ZNF649: variants seen among roughly 807,000 people sequenced by gnomAD.
ZNF649 encodes zinc finger protein 649.
A neutral mutation model predicts 14.1 loss-of-function variants in ZNF649; 7 were observed. That is an observed-to-expected ratio of 0.49 (90% CI 0.28 to 0.93). ZNF649 has a LOEUF of 0.93. Among genes scored for constraint, ZNF649 ranks in the 40% least tolerant of loss-of-function variants. The pLI, the probability that ZNF649 is intolerant of heterozygous loss-of-function variation, is 0.10. For missense variants in ZNF649, 544 were observed against 608.1 expected, an observed-to-expected ratio of 0.89 and a Z score of 1.11; for synonymous variants, 227 against 212.3, an observed-to-expected ratio of 1.07 and a Z score of -0.60.
At chr19:51,904,875 C>G (rs763154929) in intron 1 of ZNF649, 39 bp downstream of exon 1, 4 of 152,422 alleles carry the variant, frequency 2.6e-5, no homozygotes, top group South Asian at 4.1e-4. Flanking sequence ...AAGCTCCCTA[C>G]CCCTTTAACC....
Position 51,896,556 on chromosome 19 carries a change from C to G in ZNF649, c.154G>C (p.Gly52Arg). 1 of 1,614,106 alleles carries G rather than the reference C, an allele frequency of 6.2e-7. No homozygotes were observed. The highest frequency in any genetic ancestry group is 1.3e-5 in the African/African-American group (1 of 75,010). The change falls in exon 4 of 5, where the codon GGC becomes CGC. Residue 52 changes from glycine (G) to arginine (R), a missense_variant. Physicochemically the swap from Gly to Arg is moderately radical, Grantham distance 125. Transcript: ENST00000354957. ...AACTTGGTGAGGGCATCAGGTTTGC[C>G]GGCTTGATACCCTGTTTGTGGGAAA... ...SNLVSVGYQA[G>R]KPDALTKLEQ...
At chr19:51,904,851 C>T (rs2085114511) in intron 1 of ZNF649, 63 bp downstream of exon 1, 1 of 152,810 alleles carries the variant, frequency 6.5e-6, no homozygotes, top group Non-Finnish European at 1.5e-5. Context: ...CAGCTCTCCC[C>T]ACAGGCTCCT....
chr19:51,901,893 G>C (rs147361762), intron 1 of ZNF649, among the ~76,000 whole-genome samples: 473 of 146,438 alleles, frequency 3.2e-3, no homozygotes, highest in Non-Finnish European at 4.9e-3. Context: ...TGAGACTGCA[G>C]TGAGTTAGGA....
intron 1 of ZNF649, chr19:51,904,236 A>C (rs893636459): frequency 3.3e-5 from 5 of 152,190 alleles, no homozygotes; most frequent in African/African-American, 1.2e-4. Context: ...TTCATTGCTC[A>C]AGGAAACTCC....
intron 1 of ZNF649, among the ~76,000 whole-genome samples, chr19:51,903,376 T>TC (rs2085105534): frequency 6.6e-6 from 1 of 151,820 alleles, no homozygotes; most frequent in Non-Finnish European, 1.5e-5. Flanking sequence ...GCAACCAGCC[T>TC]CCCCCGTCCT....
At chr19:51,901,222 C>T (rs1292861651) in intron 1 of ZNF649, among the ~76,000 whole-genome samples, 2 of 152,048 alleles carry the variant, frequency 1.3e-5, no homozygotes, top group African/African-American at 4.8e-5. Context: ...ACTCCAGAAT[C>T]CTAGAGGAAA....
chr19:51,898,095 C>CAA (rs34792714), intron 2 of ZNF649, among the ~76,000 whole-genome samples: 3,740 of 84,282 alleles, frequency 0.044, 139 homozygotes, highest in African/African-American at 0.099. Context: ...AAGACTGTCT[C>CAA]AAAAAAAAAA....
chr19:51,895,657 C>G (rs951772210), intron 4 of ZNF649, among the ~76,000 whole-genome samples: 2 of 151,912 alleles, frequency 1.3e-5, no homozygotes, highest in African/African-American at 4.8e-5. Flanking sequence ...TGCCTCAGTT[C>G]TTATCTCACT....
chr19:51,902,210 A>G (rs1463781448), intron 1 of ZNF649, among the ~76,000 whole-genome samples: 1 of 152,214 alleles, frequency 6.6e-6, no homozygotes, highest in Non-Finnish European at 1.5e-5. Context: ...TGTTGTTTAT[A>G]AATTATCCAG....
chr19:51,900,794 G>A (rs1292338326), intron 1 of ZNF649, among the ~76,000 whole-genome samples: 1 of 152,104 alleles, frequency 6.6e-6, no homozygotes, highest in Non-Finnish European at 1.5e-5. Context: ...CTGGAGTGAT[G>A]CTGCCACAAG....
intron 2 of ZNF649, among the ~76,000 whole-genome samples, chr19:51,899,620 A>G (rs2085083904): frequency 6.6e-6 from 1 of 152,108 alleles, no homozygotes; most frequent in Non-Finnish European, 1.5e-5. Context: ...AAACAGTCAC[A>G]CAAAACTTGC....
Position 51,896,512 on chromosome 19 carries a change from T to C in ZNF649, c.198A>G (p.Leu66=), listed in dbSNP as rs1320412976. The C allele has an allele frequency of 3.7e-6, 6 of 1,614,118 alleles. No individual in the cohort carries two copies. The highest frequency in any genetic ancestry group is 2.2e-5 in the East Asian group (1 of 44,860). ...ALTKLEQGEP[L]WTLEDEIHSP... is the part of the protein sequence containing the mutation. ...TGTGGATTTCATCTTCTAGTGTCCATAGTGGTTCTCCTTGTTCCAACTTGG... is the reference window on the plus strand; with the variant it reads ...TGTGGATTTCATCTTCTAGTGTCCACAGTGGTTCTCCTTGTTCCAACTTGG... The change falls in exon 4 of 5, where the codon CTA becomes CTG. Residue 66 remains leucine, a synonymous_variant. Coordinates refer to ENST00000354957, the MANE Select transcript of ZNF649 (RefSeq NM_023074.4).
chr19:51,901,499 G>A (rs1222330453), intron 1 of ZNF649, among the ~76,000 whole-genome samples: 1 of 152,134 alleles, frequency 6.6e-6, no homozygotes, highest in Non-Finnish European at 1.5e-5. Context: ...AGAGGCTTTG[G>A]CCAGGCACAG....
At chr19:51,896,369 T>C in intron 4 of ZNF649, 103 bp downstream of exon 4, 1 of 966,656 alleles carries the variant, frequency 1.0e-6, no homozygotes, top group Admixed American at 2.0e-5. Context: ...ATGTGGCAGC[T>C]GTTTCTGTCT....
Position 51,891,389 on chromosome 19 carries a change from G to A in ZNF649, c.747C>T (p.Leu249=). The change falls in exon 5 of 5, where the codon CTC becomes CTT. Residue 249 remains leucine, a synonymous_variant. Coordinates refer to ENST00000354957, the MANE Select transcript of ZNF649 (RefSeq NM_023074.4). This position sits in a 1 kb window ranked among gnomAD's most constrained non-coding sequence, Gnocchi z 4.2. Reference sequence around the variant, plus strand: ...CTTTGTGAGCTCTCTCGTGTTCAGTGAGCCTGTACCTCTTGTAGAAGGCTT... The same window carrying A: ...CTTTGTGAGCTCTCTCGTGTTCAGTAAGCCTGTACCTCTTGTAGAAGGCTT... The part of the protein sequence containing the change: ...CGKAFYKRYR[L]TEHERAHKGE... The A allele has an allele frequency of 6.2e-7, 1 of 1,614,044 alleles. No individual in the cohort carries two copies. Among genetic ancestry groups the A allele is most frequent in the Non-Finnish European group, 8.5e-7 (1 of 1,179,920 alleles).
chr19:51,893,153 G>A (rs1032154434), intron 4 of ZNF649, among the ~76,000 whole-genome samples: 1 of 152,140 alleles, frequency 6.6e-6, no homozygotes, highest in Non-Finnish European at 1.5e-5. Flanking sequence ...CGGAGTCTGT[G>A]CAGACTTTTC....
At chr19:51,903,888 T>C (rs2085108622) in intron 1 of ZNF649, among the ~76,000 whole-genome samples, 2 of 152,350 alleles carry the variant, frequency 1.3e-5, no homozygotes, top group African/African-American at 2.4e-5. Flanking sequence ...AAATATTGCC[T>C]GAGAACGACT....
chr19:51,891,744 T>G lies in ZNF649; in HGVS notation c.392A>C (p.Glu131Ala), dbSNP rs771294959. Residue 131 changes from glutamate (E) to alanine (A), a missense_variant, in exon 5 of 5, where the codon GAG becomes GCG. Transcript: ENST00000354957. This position sits in a 1 kb window ranked among gnomAD's most constrained non-coding sequence, Gnocchi z 4.2. Reference sequence around the variant, plus strand: ...GAGAAAAGCTCCATCTCCATTAAACTCAGCAGGCTCCTTTCTGTTGTATCT... The same window carrying G: ...GAGAAAAGCTCCATCTCCATTAAACGCAGCAGGCTCCTTTCTGTTGTATCT... ...SRRYNRKEPA[E>A]FNGDGAFLHD... 1.2e-6 allele frequency: 2 copies of G among 1,613,538 alleles called. No homozygotes were observed. The highest frequency in any genetic ancestry group is 1.7e-6 in the Non-Finnish European group (2 of 1,179,904).
rs546853619 is a variant in ZNF649, at chr19:51,890,382, C to T, written c.*236G>A. 1.2e-4 allele frequency: 56 copies of T among 458,164 alleles called. No homozygotes were observed. In the East Asian group the frequency reaches 2.0e-3, roughly 17 times the overall value. The allele number at this position is 458,164 out of a possible 1,614,324, so 28.4% of individuals were successfully genotyped here. Reference sequence around the variant, plus strand: ...GTAAGAGATATCATTCTGAGGAACACCAAGTGGAAGCCTCTAAAACTGCCC... The same window carrying T: ...GTAAGAGATATCATTCTGAGGAACATCAAGTGGAAGCCTCTAAAACTGCCC... On this transcript the variant is annotated 3_prime_UTR_variant, in exon 5 of 5. Coordinates refer to ENST00000354957, the MANE Select transcript of ZNF649 (RefSeq NM_023074.4).
Sources: gnomAD v4.1 joint callset for allele counts (sites outside exome capture counted in the v4.1 genomes callset) on GRCh38, gnomAD v4.1.1 for gene constraint, Gnocchi (gnomAD v3.1) non-coding constraint, MANE v1.5 for transcripts, NCBI Gene and HGNC (gene_info 2026-07-23, HGNC 2026-07-21) for gene names.